The following MAGI2 variants were observed in gnomAD, a reference collection of about 807,000 sequenced individuals.
The protein encoded by MAGI2 is membrane-associated guanylate kinase, WW and PDZ domain-containing protein 2.
Under a neutral mutation model 133.3 loss-of-function variants are expected in MAGI2, and 35 were observed. That is an observed-to-expected ratio of 0.26 (90% CI 0.20 to 0.35). The LOEUF (loss-of-function observed/expected upper bound fraction) is 0.35. MAGI2 is among the 10% of genes least tolerant of loss of function. The probability of loss-of-function intolerance (pLI) is 1.00; values close to 1 mark genes in which losing one functional copy is unlikely to be tolerated. For synonymous variants in MAGI2, 729 were observed against 710.6 expected (o/e 1.03, Z -0.41); for missense variants, 1,636 against 1,863.4 (o/e 0.88, Z 2.25).
In MAGI2 at chr7:79,197,620, G is replaced by C. The variant is rs138149191; in HGVS notation, c.302-190414C>G. On this transcript the variant is annotated intron_variant, in intron 1 of 21. Transcript: ENST00000354212. ...CCTGAGTTGGAATTTCAGAAAGAGA[G>C]CTATCAGTCTGTTTGTTGCTGCTGT... 5.4e-4 allele frequency among the ~76,000 whole-genome samples: 82 copies of C among 152,154 alleles called. 1 individual carries two copies. Among genetic ancestry groups the C allele is most frequent in the African/African-American group, 2.0e-3 (81 of 41,430 alleles).
intron 1 of MAGI2, among the ~76,000 whole-genome samples, chr7:79,205,297 C>T (rs761683516): frequency 1.3e-5 from 2 of 151,906 alleles, no homozygotes; most frequent in Non-Finnish European, 2.9e-5. Flanking sequence ...CAGTAGAAAC[C>T]TCACAGACCA....
rs112400875 is a variant in MAGI2, at chr7:79,168,043, G to A, written c.302-160837C>T. ...CTAGGGAGACCCATACCTTTATTTC[G>A]GCCCATCCCTTCGTTTCCCATAAGG... On this transcript the variant is annotated intron_variant, in intron 1 of 21. Coordinates refer to ENST00000354212, the MANE Select transcript of MAGI2 (RefSeq NM_012301.4). Among the ~76,000 whole-genome samples, 909 of 152,148 alleles carry A rather than the reference G, an allele frequency of 6.0e-3. 16 individuals carry two copies. The highest frequency in any genetic ancestry group is 0.021 in the African/African-American group (866 of 41,534).
intron 2 of MAGI2, among the ~76,000 whole-genome samples, chr7:78,737,911 C>G (rs918472081): frequency 6.6e-6 from 1 of 151,998 alleles, no homozygotes; most frequent in South Asian, 2.1e-4. Flanking sequence ...GAATGGCTAT[C>G]ACTTAGTGGT....
intron 6 of MAGI2, among the ~76,000 whole-genome samples, chr7:78,456,491 G>A (rs1357207173): frequency 6.6e-6 from 1 of 152,084 alleles, no homozygotes; most frequent in Non-Finnish European, 1.5e-5. Context: ...GCTAAGCATT[G>A]TGCCAGGCAT....
intron 1 of MAGI2, among the ~76,000 whole-genome samples, chr7:79,135,649 G>C (rs1332642667): frequency 3.3e-5 from 5 of 152,018 alleles, no homozygotes; most frequent in Non-Finnish European, 7.4e-5. Context: ...TTACAAAAAG[G>C]CTTTGGGCAG....
intron 1 of MAGI2, among the ~76,000 whole-genome samples, chr7:79,065,971 T>C (rs1562851414): frequency 6.6e-6 from 1 of 152,202 alleles, no homozygotes; most frequent in East Asian, 1.9e-4. Flanking sequence ...TGATGGGCAT[T>C]TGAGTTGGTT....
At chr7:78,574,936 C>G (rs1371737925) in intron 3 of MAGI2, among the ~76,000 whole-genome samples, 2 of 152,164 alleles carry the variant, frequency 1.3e-5, no homozygotes, top group Non-Finnish European at 2.9e-5. Context: ...CAAGACCATG[C>G]TTAAATTCCA....
At chr7:78,469,662 T>A (rs1244345695) in intron 6 of MAGI2, among the ~76,000 whole-genome samples, 2 of 152,154 alleles carry the variant, frequency 1.3e-5, no homozygotes, top group African/African-American at 4.8e-5. Flanking sequence ...CTACCTTGAA[T>A]AGTAGTGCAG....
At chr7:78,063,042 C>A (rs908990387) in intron 21 of MAGI2, among the ~76,000 whole-genome samples, 5 of 152,160 alleles carry the variant, frequency 3.3e-5, no homozygotes, top group African/African-American at 1.2e-4. Context: ...TTTCTTAATT[C>A]CAGCCCTCAC....
rs547432351 is a variant in MAGI2 at position 79,166,836 on chromosome 7, G to A, written c.302-159630C>T. Among the ~76,000 whole-genome samples the A allele has an allele frequency of 5.3e-5, 8 of 152,030 alleles. No individual in the cohort carries two copies. In the South Asian group the frequency reaches 1.7e-3, roughly 32 times the overall value. On this transcript the variant is annotated intron_variant, in intron 1 of 21. Coordinates refer to ENST00000354212, the MANE Select transcript of MAGI2 (RefSeq NM_012301.4). ...GTTTTCTGATAATATAAATAATAGA[G>A]GCTAGTAATATAGAGCATGCACGGT... is the stretch of plus-strand genomic sequence containing the variant.
At chr7:78,800,740 T>C (rs1348533716) in intron 2 of MAGI2, among the ~76,000 whole-genome samples, 1 of 152,186 alleles carries the variant, frequency 6.6e-6, no homozygotes, top group Non-Finnish European at 1.5e-5. Context: ...AGTAGGACTT[T>C]ATGTCATTTT....
intron 10 of MAGI2, chr7:78,254,769 G>A (rs895536080): frequency 1.3e-5 from 2 of 152,216 alleles, no homozygotes; most frequent in African/African-American, 4.8e-5. Flanking sequence ...GTTTCAGGCT[G>A]TTTTGAGTGC....
chr7:78,424,950 C>T (rs1294283764), intron 6 of MAGI2, among the ~76,000 whole-genome samples: 12 of 151,978 alleles, frequency 7.9e-5, no homozygotes, highest in East Asian at 1.9e-4. Flanking sequence ...TTTGAGTTAA[C>T]GTTGAGATGA....
At chr7:78,721,752 T>C (rs1383127847) in intron 2 of MAGI2, among the ~76,000 whole-genome samples, 1 of 151,978 alleles carries the variant, frequency 6.6e-6, no homozygotes, top group Admixed American at 6.6e-5. Context: ...CAAGCTTTCC[T>C]AGCTAGCATC....
chr7:78,701,084 A>T (rs1424556787), intron 2 of MAGI2, among the ~76,000 whole-genome samples: 2 of 151,690 alleles, frequency 1.3e-5, no homozygotes, highest in Non-Finnish European at 2.9e-5. Context: ...GACTGATAAA[A>T]ATCCATGTTG....
intron 2 of MAGI2, among the ~76,000 whole-genome samples, chr7:78,769,551 A>C (rs575609259): frequency 6.3e-4 from 96 of 152,302 alleles, no homozygotes; most frequent in African/African-American, 2.0e-3. Context: ...AGGAACCACA[A>C]GTCAGTCCGT....
At chr7:79,227,010 C>T (rs1443503447) in intron 1 of MAGI2, among the ~76,000 whole-genome samples, 3 of 151,974 alleles carry the variant, frequency 2.0e-5, no homozygotes, top group Non-Finnish European at 4.4e-5. Context: ...AAAAAAAAAT[C>T]CTACTGAAGT....
At chr7:78,476,585 G>T (rs934517626) in intron 6 of MAGI2, among the ~76,000 whole-genome samples, 1 of 152,002 alleles carries the variant, frequency 6.6e-6, no homozygotes, top group Non-Finnish European at 1.5e-5. Flanking sequence ...TGGGAATTGT[G>T]GTTCTAAATC....
intron 1 of MAGI2, among the ~76,000 whole-genome samples, chr7:79,272,738 T>C (rs897583524): frequency 2.0e-5 from 3 of 151,962 alleles, no homozygotes; most frequent in Non-Finnish European, 4.4e-5. Flanking sequence ...ATTAATCTAA[T>C]ACCATAGTAC....
Sources: allele counts gnomAD v4.1 joint callset (sites outside exome capture counted in the v4.1 genomes callset), GRCh38; gene constraint gnomAD v4.1.1; transcripts MANE v1.5; gene names NCBI Gene and HGNC (gene_info 2026-07-23, HGNC 2026-07-21).